The following DYNC1I2 variants were observed in gnomAD, a reference collection of about 807,000 sequenced individuals.
DYNC1I2 encodes dynein cytoplasmic 1 intermediate chain 2, also known as cytoplasmic dynein 1 intermediate chain 2.
In DYNC1I2, 53 loss-of-function variants were observed where a neutral mutation model predicts 88.6. The ratio of observed to expected loss-of-function variants is 0.60; its 90% CI spans 0.48 to 0.75. DYNC1I2 has a LOEUF of 0.75. Among genes scored for constraint, DYNC1I2 ranks in the 30% least tolerant of loss-of-function variants. The pLI, the probability that DYNC1I2 is intolerant of heterozygous loss-of-function variation, is 0.00. For synonymous variants in DYNC1I2, 198 were observed against 254.6 expected, an observed-to-expected ratio of 0.78 and a Z score of 2.12; for missense variants, 458 against 766.6, an observed-to-expected ratio of 0.60 and a Z score of 4.75.
intron 15 of DYNC1I2, among the ~76,000 whole-genome samples, chr2:171,732,662 A>T (rs747321107): frequency 1.3e-5 from 2 of 152,240 alleles, no homozygotes; most frequent in African/African-American, 2.4e-5. Context: ...CAAGTATTTC[A>T]GATAAACCTA....
At chr2:171,717,802 T>C (rs1011508618) in intron 7 of DYNC1I2, among the ~76,000 whole-genome samples, 10 of 152,162 alleles carry the variant, frequency 6.6e-5, no homozygotes, top group African/African-American at 2.2e-4. Context: ...ATTAGGCCTT[T>C]TTCTTCATCT....
chr2:171,724,228 A>G (rs1393719833), intron 7 of DYNC1I2, among the ~76,000 whole-genome samples: 1 of 152,222 alleles, frequency 6.6e-6, no homozygotes, highest in Admixed American at 6.5e-5. Context: ...TTCTTTCCAC[A>G]GGTACAGTTA....
At chr2:171,694,629 T>C (rs188242292) in intron 3 of DYNC1I2, among the ~76,000 whole-genome samples, 22 of 152,038 alleles carry the variant, frequency 1.4e-4, no homozygotes, top group African/African-American at 5.3e-4. Flanking sequence ...TGCACTCCAG[T>C]GTGGGCAACA....
intron 1 of DYNC1I2, among the ~76,000 whole-genome samples, chr2:171,688,895 C>G (rs534662305): frequency 6.6e-6 from 1 of 152,088 alleles, no homozygotes; most frequent in Non-Finnish European, 1.5e-5. Flanking sequence ...GCATTTAATA[C>G]TTCACTTGTA....
chr2:171,699,632 GT>G lies in DYNC1I2; in HGVS notation c.226+6739del, dbSNP rs1425421726. ...TGTGTGTGTGTGTGTGTGTGTGTGT[GT>G]GGCGGCGGGCGGGGGTGCAGTTTAG... is the stretch of plus-strand genomic sequence containing the variant. On this transcript the variant is annotated intron_variant, in intron 3 of 17. Transcript: ENST00000397119. Among the ~76,000 whole-genome samples, 92 of 146,074 alleles carry G rather than the reference GT, an allele frequency of 6.3e-4. 1 individual carries two copies. Among genetic ancestry groups the G allele is most frequent in the Non-Finnish European group, 1.8e-4 (12 of 65,272 alleles).
At chr2:171,740,988 A>G (rs1034093347) in intron 15 of DYNC1I2, among the ~76,000 whole-genome samples, 1 of 152,176 alleles carries the variant, frequency 6.6e-6, no homozygotes, top group African/African-American at 2.4e-5. Flanking sequence ...CCTGGAAACC[A>G]CTAATCAATC....
chr2:171,728,440 G>T (rs1688388459), intron 13 of DYNC1I2, 22 bp downstream of exon 13: 1 of 1,416,952 alleles, frequency 7.1e-7, no homozygotes, highest in Middle Eastern at 1.8e-4. Flanking sequence ...TTGGGAAACT[G>T]AAATTTTGAG....
chr2:171,729,599 A>G (rs1688474721), intron 14 of DYNC1I2, 110 bp from the exon 15 acceptor site: 1 of 1,116,048 alleles, frequency 9.0e-7, no homozygotes, highest in African/African-American at 1.6e-5. Flanking sequence ...CACAGAGTTA[A>G]GTCTGTCAAA....
chr2:171,720,768 T>A (rs1274969263), intron 7 of DYNC1I2, among the ~76,000 whole-genome samples: 2 of 152,070 alleles, frequency 1.3e-5, no homozygotes, highest in Non-Finnish European at 2.9e-5. Flanking sequence ...TTTAAAAGAT[T>A]TTGGAATGAA....
At chr2:171,708,519 CTCTT>C (rs1686856547) in intron 5 of DYNC1I2, among the ~76,000 whole-genome samples, 1 of 152,072 alleles carries the variant, frequency 6.6e-6, no homozygotes, top group South Asian at 2.1e-4. Context: ...AATGACATAA[CTCTT>C]TCATTTAAGG....
chr2:171,747,877 A>T lies in DYNC1I2; in HGVS notation c.1905A>T (p.Arg635=). The T allele has an allele frequency of 6.2e-7, 1 of 1,608,146 alleles. No homozygotes were observed. The change falls in exon 18 of 18, where the codon CGA becomes CGT. Residue 635 remains arginine (R), a synonymous_variant. Transcript: ENST00000397119. ...ATGCAGAGGAGGAAGCAGCTACCCGAATACCTGCTTAGTTCCTGAAAAGGG... is the reference window on the plus strand; with the variant it reads ...ATGCAGAGGAGGAAGCAGCTACCCGTATACCTGCTTAGTTCCTGAAAAGGG... ...RADAEEEAAT[R]IPA
rs574586191 is a variant in DYNC1I2 at position 171,726,234 on chromosome 2, T to G, written c.811T>G (p.Phe271Val). The change falls in exon 10 of 18, where the codon TTT becomes GTT. Residue 271 changes from phenylalanine (F) to valine (V), a missense_variant. Phe to Val is a conservative substitution (Grantham distance 50). Around this residue, in one of 5 missense-constraint regions of DYNC1I2, gnomAD observed 203 missense variants for 354.2 expected, o/e 0.57. Coordinates refer to ENST00000397119, the MANE Select transcript of DYNC1I2 (RefSeq NM_001378.3). ...AGAKLSLNRQFFDERWSKHRV... is the reference protein window; with the variant it reads ...AGAKLSLNRQVFDERWSKHRV... Reference sequence around the variant, plus strand: ...TGCTAAACTGTCATTAAATCGACAATTTTTTGACGAACGTTGGTCAAAGCA... The same window carrying G: ...TGCTAAACTGTCATTAAATCGACAAGTTTTTGACGAACGTTGGTCAAAGCA... 3.7e-6 allele frequency: 6 copies of G among 1,611,910 alleles called. No homozygotes were observed. The South Asian group carries it at 6.6e-5, about 18-fold the overall frequency.
rs71013068 is a variant in DYNC1I2, at chr2:171,717,141, C to CT, written c.511+1717dup. Among the ~76,000 whole-genome samples the CT allele has an allele frequency of 2.9e-3, 298 of 102,274 alleles. 2 individuals carry two copies. The highest frequency in any genetic ancestry group is 3.3e-3 in the African/African-American group (98 of 30,132). The allele number at this position is 102,274 out of a possible 152,430, so 67.1% of individuals were successfully genotyped here. On this transcript the variant is annotated intron_variant, in intron 7 of 17. Transcript: ENST00000397119. ...TATAACATTTTTGTTCAAGTATTTTCTTTTTTTTTTTTTTTTTTTGAGATG... is the reference window on the plus strand; with the variant it reads ...TATAACATTTTTGTTCAAGTATTTTCTTTTTTTTTTTTTTTTTTTTGAGATG...
chr2:171,710,144 C>T (rs1039988220), intron 5 of DYNC1I2, among the ~76,000 whole-genome samples: 6 of 151,528 alleles, frequency 4.0e-5, no homozygotes, highest in African/African-American at 1.5e-4. Context: ...CACACACACA[C>T]ACACACACAC....
At chr2:171,709,713 T>TTTC (rs1365128609) in intron 5 of DYNC1I2, among the ~76,000 whole-genome samples, 3 of 152,176 alleles carry the variant, frequency 2.0e-5, no homozygotes, top group African/African-American at 7.2e-5. Context: ...TGAGGTGACC[T>TTTC]TACATCTTTC....
chr2:171,737,010 T>C (rs112636321), intron 15 of DYNC1I2, among the ~76,000 whole-genome samples: 2,508 of 152,314 alleles, frequency 0.016, 58 homozygotes, highest in African/African-American at 0.053. Flanking sequence ...TGGCTTAAAA[T>C]GACAGAAATT....
intron 3 of DYNC1I2, among the ~76,000 whole-genome samples, chr2:171,694,775 G>C (rs1685640254): frequency 6.6e-6 from 1 of 152,188 alleles, no homozygotes; most frequent in Non-Finnish European, 1.5e-5. Context: ...AAGGCAAAGG[G>C]GCGTCAGCAT....
chr2:171,705,829 C>T (rs980561298), intron 3 of DYNC1I2, among the ~76,000 whole-genome samples: 19 of 152,026 alleles, frequency 1.2e-4, no homozygotes, highest in African/African-American at 3.6e-4. Flanking sequence ...CATTTAATCA[C>T]AATATTAGAA....
At chr2:171,736,729 A>G (rs1265733815) in intron 15 of DYNC1I2, among the ~76,000 whole-genome samples, 2 of 152,174 alleles carry the variant, frequency 1.3e-5, no homozygotes, top group South Asian at 2.1e-4. Flanking sequence ...TTTGGTCTCA[A>G]AAAGTTAATA....
Sources: allele counts gnomAD v4.1 joint callset (sites outside exome capture counted in the v4.1 genomes callset), GRCh38; gene constraint gnomAD v4.1.1; regional missense constraint gnomAD v4.1.1; transcripts MANE v1.5; gene names NCBI Gene and HGNC (gene_info 2026-07-23, HGNC 2026-07-21).